Variants in ALDOC observed in about 807,000 individuals in gnomAD.
The protein encoded by ALDOC is fructose-bisphosphate aldolase C.
ALDOC carries 23 observed loss-of-function variants against 39.5 expected under a neutral mutation model. That is an observed-to-expected ratio of 0.58 (90% confidence interval 0.42 to 0.82). The LOEUF (loss-of-function observed/expected upper bound fraction) is 0.82, where lower values mean the gene tolerates loss of function less well. ALDOC is among the 40% of genes least tolerant of loss of function. The probability of loss-of-function intolerance (pLI) is 0.00; values close to 1 mark genes in which losing one functional copy is unlikely to be tolerated. For missense variants in ALDOC, 356 were observed against 479.1 expected (o/e 0.74, Z 2.40); for synonymous variants, 160 against 182.6 (o/e 0.88, Z 1.00).
In ALDOC at chr17:28,575,189, CT is replaced by C. The variant is rs1567620569; in HGVS notation, c.257del (p.Gln86ArgfsTer31). On this transcript the variant is annotated frameshift_variant, in exon 3 of 9. Coordinates refer to ENST00000226253, the MANE Select transcript of ALDOC (RefSeq NM_005165.3). LOFTEE classifies it high-confidence loss of function. The surrounding 1 kb of genome is among the most constrained non-coding windows in gnomAD (Gnocchi z 4.3). ...GVIFFHETLY[Q>X]KDDNGVPFVR... ...CGAAGGGAACACCATTATCATCTTT[CT>C]GGTAGAGGGTCTCATGGAAGAAAAT... 6.2e-7 allele frequency: 1 copy of C among 1,614,144 alleles called. No homozygotes were observed. The highest frequency in any genetic ancestry group is 1.7e-5 in the Admixed American group (1 of 60,036).
chr17:28,575,320 G>A lies in ALDOC; in HGVS notation c.127C>T (p.Arg43Trp), dbSNP rs373453729. ...ADESVGSMAK[R>W]LSQIGVENTE... Reference sequence around the variant, plus strand: ...TTTTCCACCCCAATTTGGCTCAGCCGCTTGGCCATGCTGCCTAGGGGCAAA... The same window carrying A: ...TTTTCCACCCCAATTTGGCTCAGCCACTTGGCCATGCTGCCTAGGGGCAAA... The change falls in exon 3 of 9, where the codon CGG (arginine) becomes TGG (tryptophan). Residue 43 changes from arginine (R) to tryptophan (W), a missense_variant. Physicochemically the swap from Arg to Trp is moderately radical, Grantham distance 101 (BLOSUM62 -3). Transcript: ENST00000226253. This position sits in a 1 kb window ranked among gnomAD's most constrained non-coding sequence, Gnocchi z 4.3. 14 of 1,614,068 alleles carry A rather than the reference G, an allele frequency of 8.7e-6. No homozygotes were observed. The highest frequency in any genetic ancestry group is 5.3e-5 in the African/African-American group (4 of 74,940).
In ALDOC at chr17:28,575,648, G is replaced by T; in HGVS notation, c.-12-104C>A. On this transcript the variant is annotated intron_variant, in intron 1 of 8. Coordinates refer to ENST00000226253, the MANE Select transcript of ALDOC (RefSeq NM_005165.3). The surrounding 1 kb of genome is among the most constrained non-coding windows in gnomAD (Gnocchi z 4.3). ...CATCAAGCAAGGGGCTGGGAACAGGGCAGCAGTCCTTGGCATGAGTCCTGG... is the reference window on the plus strand; with the variant it reads ...CATCAAGCAAGGGGCTGGGAACAGGTCAGCAGTCCTTGGCATGAGTCCTGG... 2 of 1,403,914 alleles carry T rather than the reference G, an allele frequency of 1.4e-6. No individual in the cohort carries two copies. The highest frequency in any genetic ancestry group is 1.9e-6 in the Non-Finnish European group (2 of 1,052,800). The allele number at this position is 1,403,914 out of a possible 1,614,324, so 87.0% of individuals were successfully genotyped here. A position where few individuals can be genotyped will look rare whatever the true frequency, so the allele number is the denominator to read the frequency against.
chr17:28,574,024 A>G, intron 7 of ALDOC, 43 bp downstream of exon 7: 1 of 1,601,268 alleles, frequency 6.2e-7, no homozygotes, highest in Non-Finnish European at 8.5e-7. Context: ...GGACCTGAAG[A>G]TGGGCCTTAG....
At position 28,574,988 on chromosome 17, in the gene ALDOC, G is replaced by C. The variant is rs34703826; in HGVS notation, c.343C>G (p.Pro115Ala). The change falls in exon 4 of 9, where the codon CCT becomes GCT. Residue 115 changes from proline (P) to alanine (A), a missense_variant. By Grantham distance (27) the Pro-to-Ala change is conservative (BLOSUM62 -1). Coordinates refer to ENST00000226253, the MANE Select transcript of ALDOC (RefSeq NM_005165.3). ...GTTTCTCCATCAGTCCCAGCTAGAG[G>C]CACCACACCCTTGTCAACCTGTAGA... ...VGIKVDKGVV[P>A]LAGTDGETTT... is the part of the protein sequence containing the mutation. The C allele has an allele frequency of 4.3e-4, 700 of 1,614,036 alleles. No individual in the cohort carries two copies. The highest frequency in any genetic ancestry group is 5.7e-4 in the Non-Finnish European group (675 of 1,180,044).
Position 28,575,827 on chromosome 17 carries a change from G to A in ALDOC, c.-12-283C>T, listed in dbSNP as rs34165301. On this transcript the variant is annotated intron_variant, in intron 1 of 8. Coordinates refer to ENST00000226253, the MANE Select transcript of ALDOC (RefSeq NM_005165.3). The surrounding 1 kb of genome is among the most constrained non-coding windows in gnomAD (Gnocchi z 4.3). ...GCAGCCCTGAAGCCACAGCTCTTCT[G>A]ATAAATCTGCTGCCCAATCAAGGAT... 32 of 561,874 alleles carry A rather than the reference G, an allele frequency of 5.7e-5. No homozygotes were observed. The East Asian group carries it at 1.6e-3, about 29-fold the overall frequency. The allele number at this position is 561,874 out of a possible 1,614,324, so 34.8% of individuals were successfully genotyped here.
At position 28,573,804 on chromosome 17, in the gene ALDOC, T is replaced by C. The variant is rs1404946700; in HGVS notation, c.930A>G (p.Ala310=). 1 of 1,614,134 alleles carries C rather than the reference T, an allele frequency of 6.2e-7. No individual in the cohort carries two copies. Among genetic ancestry groups the C allele is most frequent in the Non-Finnish European group, 8.5e-7 (1 of 1,180,018 alleles). ...CCCGTTGCCCTCGCCAGGCATTGAGTGCAGAGGCTTGCAGGGCACGCCCAT... is the reference window on the plus strand; with the variant it reads ...CCCGTTGCCCTCGCCAGGCATTGAGCGCAGAGGCTTGCAGGGCACGCCCAT... ...FSYGRALQAS[A]LNAWRGQRDN... The change falls in exon 8 of 9, where the codon GCA becomes GCG. Residue 310 remains alanine (A), a synonymous_variant. Coordinates refer to ENST00000226253, the MANE Select transcript of ALDOC (RefSeq NM_005165.3). This position sits in a 1 kb window ranked among gnomAD's most constrained non-coding sequence, Gnocchi z 4.3.
rs775106212 is a variant in ALDOC, at chr17:28,573,579, C to T, written c.1042G>A (p.Glu348Lys). The change falls in exon 9 of 9, where the codon GAA (glutamate) becomes AAA (lysine). Residue 348 changes from glutamate to lysine, a missense_variant. Transcript: ENST00000226253. The surrounding 1 kb of genome is among the most constrained non-coding windows in gnomAD (Gnocchi z 4.3). ...GACTGTGCTGCTGCTCCACCATCTT[C>T]TCCACTGCCTTCATACTTGCCCTGG... ...AAQGKYEGSGEDGGAAAQSLY... is the reference protein window; with the variant it reads ...AAQGKYEGSGKDGGAAAQSLY... 1.2e-6 allele frequency: 2 copies of T among 1,614,270 alleles called. No homozygotes were observed. Among genetic ancestry groups the T allele is most frequent in the South Asian group, 2.2e-5 (2 of 91,088 alleles).
rs1345768028 is a variant in ALDOC, at chr17:28,573,675, C to T, written c.1000-54G>A. 1.2e-6 allele frequency: 2 copies of T among 1,613,818 alleles called. No homozygotes were observed. Among genetic ancestry groups the T allele is most frequent in the Non-Finnish European group, 1.7e-6 (2 of 1,179,886 alleles). On this transcript the variant is annotated intron_variant, in intron 8 of 8. Transcript: ENST00000226253. This position sits in a 1 kb window ranked among gnomAD's most constrained non-coding sequence, Gnocchi z 4.3. ...CTGAGCCAGCCCACAGGTGCCAAGC[C>T]CTGCCCAGGCTATAGCCTCTGGGTG...
At position 28,575,278 on chromosome 17, in the gene ALDOC, G is replaced by A. The variant is rs549874233; in HGVS notation, c.169C>T (p.Arg57Trp). The A allele has an allele frequency of 5.6e-6, 9 of 1,614,130 alleles. No individual in the cohort carries two copies. Among genetic ancestry groups the A allele is most frequent in the South Asian group, 1.1e-5 (1 of 91,088 alleles). Residue 57 changes from arginine (R) to tryptophan (W), a missense_variant, in exon 3 of 9, where the codon CGG (arginine) becomes TGG (tryptophan). Physicochemically the swap from Arg to Trp is moderately radical, Grantham distance 101 (BLOSUM62 -3). Coordinates refer to ENST00000226253, the MANE Select transcript of ALDOC (RefSeq NM_005165.3). This position sits in a 1 kb window ranked among gnomAD's most constrained non-coding sequence, Gnocchi z 4.3. Reference sequence around the variant, plus strand: ...CTGAACAGGACCTGGCGGTACAGCCGGCGGTTCTCCTCTGTGTTTTCCACC... The same window carrying A: ...CTGAACAGGACCTGGCGGTACAGCCAGCGGTTCTCCTCTGTGTTTTCCACC... The part of the protein sequence containing the change: ...IGVENTEENR[R>W]LYRQVLFSAD...
chr17:28,573,578 T>C lies in ALDOC; in HGVS notation c.1043A>G (p.Glu348Gly), dbSNP rs962481616. 3 of 1,614,080 alleles carry C rather than the reference T, an allele frequency of 1.9e-6. No homozygotes were observed. In the African/African-American group the frequency reaches 4.0e-5, roughly 22 times the overall value. The part of the protein sequence containing the change: ...AAQGKYEGSG[E>G]DGGAAAQSLY... ...TGACTGTGCTGCTGCTCCACCATCT[T>C]CTCCACTGCCTTCATACTTGCCCTG... Residue 348 changes from glutamate (E) to glycine (G), a missense_variant, in exon 9 of 9, where the codon GAA becomes GGA. Coordinates refer to ENST00000226253, the MANE Select transcript of ALDOC (RefSeq NM_005165.3). The surrounding 1 kb of genome is among the most constrained non-coding windows in gnomAD (Gnocchi z 4.3).
intron 5 of ALDOC, 41 bp from the exon 6 acceptor site, chr17:28,574,618 G>A (rs2070464773): frequency 1.9e-6 from 3 of 1,613,644 alleles, no homozygotes; most frequent in Non-Finnish European, 2.5e-6. Context: ...GGCAGTAGGG[G>A]AGATGAAGAA....
Position 28,575,380 on chromosome 17 carries a change from CT to C in ALDOC, c.112+40del, listed in dbSNP as rs1178392538. On this transcript the variant is annotated intron_variant, in intron 2 of 8. Transcript: ENST00000226253. This position sits in a 1 kb window ranked among gnomAD's most constrained non-coding sequence, Gnocchi z 4.3. ...GCAGTGAGAACATCCCCAGGGTCCC[CT>C]AGCCACCTGTACCCTACCTGGCTAC... 12 of 1,614,072 alleles carry C rather than the reference CT, an allele frequency of 7.4e-6. No individual in the cohort carries two copies. Among genetic ancestry groups the C allele is most frequent in the Non-Finnish European group, 1.0e-5 (12 of 1,180,020 alleles).
Position 28,573,747 on chromosome 17 carries a change from G to GA in ALDOC, c.986dup (p.Lys330GlnfsTer4). The GA allele has an allele frequency of 6.2e-7, 1 of 1,614,196 alleles. No homozygotes were observed. Among genetic ancestry groups the GA allele is most frequent in the Non-Finnish European group, 8.5e-7 (1 of 1,180,042 alleles). On this transcript the variant is annotated frameshift_variant, in exon 8 of 9. Transcript: ENST00000226253. LOFTEE classifies it high-confidence loss of function. The surrounding 1 kb of genome is among the most constrained non-coding windows in gnomAD (Gnocchi z 4.3). ...TGTAGCTCCCAACCTCAGCCCGCTT[G>GA]ATGAACTCCTCAGTGGCAGCCCCAG...
rs369770154 is a variant in ALDOC, at chr17:28,574,286, C to G, written c.625-45G>C. The G allele has an allele frequency of 3.9e-6, 6 of 1,553,122 alleles. No individual in the cohort carries two copies. In the East Asian group the frequency reaches 6.7e-5, roughly 17 times the overall value. On this transcript the variant is annotated intron_variant, in intron 6 of 8. Transcript: ENST00000226253. ...GGTTTACTAAGGGTCTGGGCCCCCACTGGTTACTGCTCGATGCTCCCTATG... is the reference window on the plus strand; with the variant it reads ...GGTTTACTAAGGGTCTGGGCCCCCAGTGGTTACTGCTCGATGCTCCCTATG...
rs1428968532 is a variant in ALDOC, at chr17:28,573,856, G to T, written c.878C>A (p.Pro293His). 1.9e-6 allele frequency: 3 copies of T among 1,614,116 alleles called. No individual in the cohort carries two copies. The East Asian group carries it at 6.7e-5, about 36-fold the overall frequency. The stretch of plus-strand genomic sequence containing the variant: ...GGAGAAGGTAAGCGCCCAGGGTCGG[G>T]GAAGGGGGCAGCGGTTGATGGCATT... ...NLNAINRCPLPRPWALTFSYG... is the reference protein window; with the variant it reads ...NLNAINRCPLHRPWALTFSYG... The change falls in exon 8 of 9, where the codon CCC becomes CAC. Residue 293 changes from proline (P) to histidine (H), a missense_variant. Pro to His is a moderately conservative substitution (Grantham distance 77, BLOSUM62 -2). Transcript: ENST00000226253. This position sits in a 1 kb window ranked among gnomAD's most constrained non-coding sequence, Gnocchi z 4.3.
At position 28,575,560 on chromosome 17, in the gene ALDOC, G is replaced by C. The variant is rs1173310381; in HGVS notation, c.-12-16C>G. 9.3e-6 allele frequency: 15 copies of C among 1,611,128 alleles called. No homozygotes were observed. In the South Asian group the frequency reaches 1.4e-4, roughly 15 times the overall value. On this transcript the variant is annotated splice_polypyrimidine_tract_variant and intron_variant, in intron 1 of 8. Transcript: ENST00000226253. This position sits in a 1 kb window ranked among gnomAD's most constrained non-coding sequence, Gnocchi z 4.3. ...TGACAGCTCCCTGGAGTGGAGACAA[G>C]ATAAAAAAGCCAGACCTCACCCTCT...
Position 28,575,663 on chromosome 17 carries a change from A to C in ALDOC, c.-12-119T>G, listed in dbSNP as rs1249808158. On this transcript the variant is annotated intron_variant, in intron 1 of 8. Transcript: ENST00000226253. This position sits in a 1 kb window ranked among gnomAD's most constrained non-coding sequence, Gnocchi z 4.3. The stretch of plus-strand genomic sequence containing the variant: ...TGGGAACAGGGCAGCAGTCCTTGGC[A>C]TGAGTCCTGGGCATCAAGTGGCACC... 4.6e-6 allele frequency: 6 copies of C among 1,292,914 alleles called. No homozygotes were observed. The Admixed American group carries it at 1.0e-4, about 22-fold the overall frequency. The allele number at this position is 1,292,914 out of a possible 1,614,324, so 80.1% of individuals were successfully genotyped here. A position where few individuals can be genotyped will look rare whatever the true frequency, so the allele number is the denominator to read the frequency against.
rs1446098734 is a variant in ALDOC at position 28,574,062 on chromosome 17, A to G, written c.799+5T>C. 5 of 1,595,252 alleles carry G rather than the reference A, an allele frequency of 3.1e-6. No homozygotes were observed. The highest frequency in any genetic ancestry group is 3.4e-6 in the Non-Finnish European group (4 of 1,170,060). On this transcript the variant is annotated splice_donor_5th_base_variant and intron_variant, in intron 7 of 8. Transcript: ENST00000226253. ...ATAGGAGCAGGTTAGGGAGCTGGGT[A>G]GTACCTGGGACAGCTGGGGGCACAG...
chr17:28,574,008 C>A, intron 7 of ALDOC, 59 bp downstream of exon 7: 1 of 1,605,146 alleles, frequency 6.2e-7, no homozygotes, highest in Non-Finnish European at 8.5e-7. Flanking sequence ...CTGAAGGCCA[C>A]AAGAAGGACC....
Sources: gnomAD v4.1 joint callset for allele counts on GRCh38, gnomAD v4.1.1 for gene constraint, Gnocchi (gnomAD v3.1) non-coding constraint, MANE v1.5 for transcripts, NCBI Gene and HGNC (gene_info 2026-07-23, HGNC 2026-07-21) for gene names.